PLCH2: variants seen among roughly 807,000 people sequenced by gnomAD.
PLCH2 encodes 1-phosphatidylinositol 4,5-bisphosphate phosphodiesterase eta-2.
A neutral mutation model predicts 134.7 loss-of-function variants in PLCH2; 98 were observed. The ratio of observed to expected loss-of-function variants is 0.73; its 90% CI spans 0.62 to 0.86. PLCH2 has a LOEUF of 0.86. PLCH2 is among the 40% of genes least tolerant of loss of function. The probability of loss-of-function intolerance (pLI) is 0.00; values close to 1 mark genes in which losing one functional copy is unlikely to be tolerated. For synonymous variants in PLCH2, 974 were observed against 827.5 expected (o/e 1.18, Z -3.04); for missense variants, 1,994 against 1,986.6 (o/e 1.00, Z -0.07).
At chr1:2,462,998 G>A (rs1570348425), upstream of PLCH2, among the ~76,000 whole-genome samples, 2 of 152,218 alleles carry the variant, frequency 1.3e-5, no homozygotes, top group Non-Finnish European at 2.9e-5. Context: ...AATAATTAAT[G>A]AAATGTCTGA....
upstream of PLCH2, among the ~76,000 whole-genome samples, chr1:2,473,403 T>C (rs1345133169): frequency 2.0e-5 from 3 of 152,196 alleles, no homozygotes; most frequent in South Asian, 2.1e-4. Flanking sequence ...AGCCCTCCCA[T>C]GCACTCTCCC....
chr1:2,484,287 G>A (rs1057141164), intron 4 of PLCH2, among the ~76,000 whole-genome samples, 161 bp from the exon 5 acceptor site: 4 of 152,102 alleles, frequency 2.6e-5, no homozygotes, highest in African/African-American at 7.2e-5. Context: ...GGGTGGGCCC[G>A]TGCCCTGGGG....
chr1:2,416,570 G>A, the PLCH2 span, among the ~76,000 whole-genome samples: 4 of 152,248 alleles, frequency 2.6e-5, no homozygotes, highest in East Asian at 3.9e-4. Flanking sequence ...GGCAGCGGGC[G>A]GCACTGGGCC....
At chr1:2,499,361 G>C in intron 19 of PLCH2, 131 bp downstream of exon 19, 1 of 1,157,756 alleles carries the variant, frequency 8.6e-7, no homozygotes, top group Non-Finnish European at 1.2e-6. Context: ...AGGAGCTGAG[G>C]ACGGGAGGAG....
Position 2,489,755 on chromosome 1 carries a change from C to G in PLCH2, c.1408-5C>G. ...GCCCCTCCCATCATGCACCTCCTCC[C>G]CCAGGGGAAGAAGCTCCCAGCCAAC... On this transcript the variant is annotated splice_polypyrimidine_tract_variant and splice_region_variant and intron_variant, in intron 9 of 21. Coordinates refer to ENST00000378486, the MANE Select transcript of PLCH2 (RefSeq NM_014638.4). The G allele has an allele frequency of 6.2e-7, 1 of 1,610,634 alleles. No individual in the cohort carries two copies. The highest frequency in any genetic ancestry group is 8.5e-7 in the Non-Finnish European group (1 of 1,177,132).
At chr1:2,483,038 C>A (rs1256561757) in intron 4 of PLCH2, among the ~76,000 whole-genome samples, 1 of 152,240 alleles carries the variant, frequency 6.6e-6, no homozygotes, top group African/African-American at 2.4e-5. Flanking sequence ...CCTGTGTGGG[C>A]TCTGGGAAGA....
At chr1:2,467,238 TG>T (rs1156918962), upstream of PLCH2, among the ~76,000 whole-genome samples, 1 of 151,942 alleles carries the variant, frequency 6.6e-6, no homozygotes, top group Non-Finnish European at 1.5e-5. Flanking sequence ...CAAGCTGCTA[TG>T]GGAAGAGCCA....
intron 21 of PLCH2, chr1:2,502,960 T>G (rs1162367170): frequency 1.4e-6 from 1 of 717,014 alleles, no homozygotes; most frequent in East Asian, 2.7e-5. Flanking sequence ...CTGGCATGGC[T>G]GGGCCTGGGT....
rs1044510264 is a variant in PLCH2 at position 2,505,308 on chromosome 1, T to C, written c.*95T>C. The C allele has an allele frequency of 1.4e-5, 13 of 928,022 alleles. No individual in the cohort carries two copies. The highest frequency in any genetic ancestry group is 1.9e-5 in the Non-Finnish European group (12 of 632,888). The allele number at this position is 928,022 out of a possible 1,614,324, so 57.5% of individuals were successfully genotyped here. ...AACAGGGCAGCCAGGCCCCCAAAAC[T>C]GTGTCCCCCTGGCTGCCCTGTGTCC... On this transcript the variant is annotated 3_prime_UTR_variant, in exon 22 of 22. Coordinates refer to ENST00000378486, the MANE Select transcript of PLCH2 (RefSeq NM_014638.4).
At chr1:2,503,567 C>G (rs1365541169) in intron 21 of PLCH2, 1 of 640,650 alleles carries the variant, frequency 1.6e-6, no homozygotes, top group African/African-American at 1.9e-5. Context: ...CCCCTCCAGA[C>G]CCCCCTGACC....
At position 2,498,271 on chromosome 1, in the gene PLCH2, T is replaced by A. The variant is rs1022084232; in HGVS notation, c.2225-252T>A. The A allele has an allele frequency of 6.3e-4, 205 of 326,210 alleles. No individual in the cohort carries two copies. Among genetic ancestry groups the A allele is most frequent in the Middle Eastern group, 1.9e-3 (2 of 1,080 alleles). The allele number at this position is 326,210 out of a possible 1,614,324, so 20.2% of individuals were successfully genotyped here. A position where few individuals can be genotyped will look rare whatever the true frequency, so the allele number is the denominator to read the frequency against. On this transcript the variant is annotated intron_variant, in intron 16 of 21. Transcript: ENST00000378486. This position sits in a 1 kb window ranked among gnomAD's most constrained non-coding sequence, Gnocchi z 5.4. ...GACCCAGACCCACCCCCAGAAGCCA[T>A]GTGACCTCCTCGGCTCAGCTGTGGG...
At chr1:2,425,516 T>C (rs543117325), upstream of PLCH2, among the ~76,000 whole-genome samples, 65 of 152,250 alleles carry the variant, frequency 4.3e-4, 1 homozygote, top group East Asian at 1.7e-3. Flanking sequence ...TCTGCTGGTT[T>C]TTAGGTGGCA....
At chr1:2,465,815 G>A (rs1054220847), upstream of PLCH2, among the ~76,000 whole-genome samples, 2 of 152,114 alleles carry the variant, frequency 1.3e-5, no homozygotes, top group East Asian at 1.9e-4. Flanking sequence ...CTGAACCTGG[G>A]TTTCACCGGC....
rs191966880 is a variant in PLCH2 at position 2,489,174 on chromosome 1, C to A, written c.1236-33C>A. On this transcript the variant is annotated intron_variant, in intron 8 of 21. Coordinates refer to ENST00000378486, the MANE Select transcript of PLCH2 (RefSeq NM_014638.4). The stretch of plus-strand genomic sequence containing the variant: ...GCTTACCCATCCTCTGAGGCCCTGG[C>A]CTCATCCTGCTCTTTCTGCCTTGGG... The A allele has an allele frequency of 3.1e-5, 50 of 1,604,834 alleles. No individual in the cohort carries two copies. The East Asian group carries it at 1.1e-3, about 36-fold the overall frequency.
chr1:2,438,454 G>A (rs1298447660), intron 2 of PLCH2, among the ~76,000 whole-genome samples: 1 of 152,142 alleles, frequency 6.6e-6, no homozygotes, highest in Non-Finnish European at 1.5e-5. Flanking sequence ...ACTCCCTCCT[G>A]TACTGTCTCC....
intron 2 of PLCH2, 43 bp downstream of exon 2, chr1:2,478,665 G>C (rs1641780091): frequency 6.4e-7 from 1 of 1,566,692 alleles, no homozygotes; most frequent in Non-Finnish European, 8.7e-7. Flanking sequence ...GAGTCCCTGG[G>C]GGGACACGAC....
the PLCH2 span, among the ~76,000 whole-genome samples, chr1:2,418,868 G>T: frequency 2.0e-5 from 3 of 152,206 alleles, no homozygotes; most frequent in African/African-American, 4.8e-5. Context: ...TTATGCCCAG[G>T]TCTCTGCCCA....
chr1:2,471,817 G>T (rs922402539), upstream of PLCH2, among the ~76,000 whole-genome samples: 4 of 152,162 alleles, frequency 2.6e-5, no homozygotes, highest in East Asian at 1.9e-4. Flanking sequence ...GCAGAACAAA[G>T]TCAGGCCCCA....
Position 2,479,683 on chromosome 1 carries a change from G to A in PLCH2, c.272-51G>A, listed in dbSNP as rs1019941273. ...CCGCAGTGTTGGGGCTGCCAGCAGG[G>A]GGACGCTGGGCCCCCGGGGACCTGA... On this transcript the variant is annotated intron_variant, in intron 2 of 21. Coordinates refer to ENST00000378486, the MANE Select transcript of PLCH2 (RefSeq NM_014638.4). The A allele has an allele frequency of 4.0e-6, 6 of 1,501,090 alleles. 1 individual carries two copies. Among genetic ancestry groups the A allele is most frequent in the Non-Finnish European group, 9.0e-7 (1 of 1,115,012 alleles). The allele number at this position is 1,501,090 out of a possible 1,614,324, so 93.0% of individuals were successfully genotyped here. A position where few individuals can be genotyped will look rare whatever the true frequency, so the allele number is the denominator to read the frequency against.
Sources: gnomAD v4.1 joint callset for allele counts (sites outside exome capture counted in the v4.1 genomes callset) on GRCh38, gnomAD v4.1.1 for gene constraint, Gnocchi (gnomAD v3.1) non-coding constraint, MANE v1.5 for transcripts, NCBI Gene and HGNC (gene_info 2026-07-23, HGNC 2026-07-21) for gene names.